CASR: variants seen among roughly 807,000 people sequenced by gnomAD.
CASR encodes the protein calcium sensing receptor, also known as extracellular calcium-sensing receptor.
A neutral mutation model predicts 69.1 loss-of-function variants in CASR; 23 were observed. The ratio of observed to expected loss-of-function variants is 0.33; its 90% CI spans 0.24 to 0.47. The LOEUF (loss-of-function observed/expected upper bound fraction) is 0.47. CASR is among the 20% of genes least tolerant of loss of function. The pLI, the probability that CASR is intolerant of heterozygous loss-of-function variation, is 1.00. For synonymous variants in CASR, 541 were observed against 544.7 expected (o/e 0.99, Z 0.10); for missense variants, 924 against 1,356.1 (o/e 0.68, Z 5.00).
chr3:122,206,591 A>T (rs545072449), intron 1 of CASR, among the ~76,000 whole-genome samples: 1 of 152,144 alleles, frequency 6.6e-6, no homozygotes, highest in Admixed American at 6.5e-5. Context: ...CTGACCTCGA[A>T]CAATGAGTTT....
At chr3:122,188,938 A>G (rs1409078857) in intron 1 of CASR, among the ~76,000 whole-genome samples, 1 of 152,212 alleles carries the variant, frequency 6.6e-6, no homozygotes, top group African/African-American at 2.4e-5. Flanking sequence ...AACAATACAG[A>G]CATGTGTGAT....
chr3:122,209,965 A>G (rs2074045949), intron 1 of CASR, among the ~76,000 whole-genome samples: 1 of 152,192 alleles, frequency 6.6e-6, no homozygotes, highest in Non-Finnish European at 1.5e-5. Flanking sequence ...TTCATCATAT[A>G]AACAGAACTA....
At chr3:122,242,431 A>T (rs1329353176) in intron 1 of CASR, among the ~76,000 whole-genome samples, 1 of 152,164 alleles carries the variant, frequency 6.6e-6, no homozygotes, top group Non-Finnish European at 1.5e-5. Context: ...TCCCACGTAT[A>T]ATAGTCACAA....
intron 1 of CASR, among the ~76,000 whole-genome samples, chr3:122,214,838 A>G (rs879722564): frequency 2.6e-5 from 4 of 152,118 alleles, no homozygotes; most frequent in Admixed American, 2.6e-4. Context: ...CATTCATAGC[A>G]CAGTATTTTT....
At position 122,288,563 on chromosome 3, in the gene CASR, C is replaced by T. The variant is rs2074988337; in HGVS notation, c.*3372C>T. On this transcript the variant is annotated 3_prime_UTR_variant, in exon 7 of 7. Transcript: ENST00000639785. ...GGTCCTCTTCCCTTCACCTAGCTCACTCCTTCCCCTCTAATATTCTATTCC... is the reference window on the plus strand; with the variant it reads ...GGTCCTCTTCCCTTCACCTAGCTCATTCCTTCCCCTCTAATATTCTATTCC... The T allele has an allele frequency of 6.6e-6, 1 of 152,118 alleles. No individual in the cohort carries two copies. Among genetic ancestry groups the T allele is most frequent in the Non-Finnish European group, 1.5e-5 (1 of 68,040 alleles). The allele number at this position is 152,118 out of a possible 1,614,324, so 9.4% of individuals were successfully genotyped here. A position where few individuals can be genotyped will look rare whatever the true frequency, so the allele number is the denominator to read the frequency against.
chr3:122,191,912 G>A (rs1217554278), intron 1 of CASR, among the ~76,000 whole-genome samples: 1 of 152,212 alleles, frequency 6.6e-6, no homozygotes, highest in Admixed American at 6.5e-5. Flanking sequence ...AGATGTTGAA[G>A]ATAATGCTAG....
Position 122,282,086 on chromosome 3 carries a change from C to T in CASR, c.1609-27C>T, listed in dbSNP as rs4678175. ...GCCCCTGACCCTACAACTACAGCCA[C>T]TCACCTTTGTGCTGTCTGTCCTCCA... On this transcript the variant is annotated intron_variant, in intron 5 of 6. Transcript: ENST00000639785. 27 of 1,614,082 alleles carry T rather than the reference C, an allele frequency of 1.7e-5. No homozygotes were observed. The Admixed American group carries it at 4.3e-4, about 26-fold the overall frequency.
rs193922439 is a variant in CASR, at chr3:122,257,164, A to C, written c.269A>C (p.Asn90Thr). 1.9e-6 allele frequency: 3 copies of C among 1,613,748 alleles called. No homozygotes were observed. Among genetic ancestry groups the C allele is most frequent in the Non-Finnish European group, 2.5e-6 (3 of 1,179,790 alleles). ...EINSSPALLPNLTLGYRIFDT... is the reference protein window; with the variant it reads ...EINSSPALLPTLTLGYRIFDT... ...AACAGCAGCCCAGCCCTTCTTCCCA[A>C]CTTGACGCTGGGATACAGGATATTT... Residue 90 changes from asparagine to threonine, a missense_variant, in exon 3 of 7, where the codon AAC becomes ACC. Asn to Thr is a moderately conservative substitution (Grantham distance 65, BLOSUM62 0). This residue lies in a region of CASR where 141 missense variants were observed against 283.0 expected (regional missense o/e 0.50). Transcript: ENST00000639785.
chr3:122,207,145 A>G (rs2074015146), intron 1 of CASR, among the ~76,000 whole-genome samples: 1 of 151,900 alleles, frequency 6.6e-6, no homozygotes, highest in Non-Finnish European at 1.5e-5. Flanking sequence ...TGAGGTGCAT[A>G]TTAGCAAATA....
At chr3:122,189,632 G>T (rs1302978356) in intron 1 of CASR, among the ~76,000 whole-genome samples, 1 of 152,166 alleles carries the variant, frequency 6.6e-6, no homozygotes, top group Non-Finnish European at 1.5e-5. Flanking sequence ...CAACAAGTCT[G>T]TCACACACAT....
intron 1 of CASR, among the ~76,000 whole-genome samples, chr3:122,219,594 G>C (rs1401925948): frequency 1.3e-5 from 2 of 152,198 alleles, no homozygotes; most frequent in Non-Finnish European, 2.9e-5. Flanking sequence ...TATCAGTGCT[G>C]TTTGCCTGGG....
chr3:122,206,458 GT>G (rs2074007907), intron 1 of CASR, among the ~76,000 whole-genome samples: 1 of 151,828 alleles, frequency 6.6e-6, no homozygotes, highest in Non-Finnish European at 1.5e-5. Flanking sequence ...TTTTTAATGT[GT>G]TGTTGCATTC....
intron 1 of CASR, among the ~76,000 whole-genome samples, chr3:122,241,854 T>C (rs1358105261): frequency 1.3e-5 from 2 of 152,042 alleles, no homozygotes; most frequent in African/African-American, 2.4e-5. Flanking sequence ...ATCTATCCTG[T>C]GGACGCAAGG....
rs1343106554 is a variant in CASR at position 122,276,038 on chromosome 3, G to T, written c.1604G>T (p.Arg535Met). 6.3e-7 allele frequency: 1 copy of T among 1,598,030 alleles called. No homozygotes were observed. ...AAAATCCTGTGGAGTGGGTTCTCCA[G>T]GGAGGTAGGTGCTGTCCATCAGAAA... ...EEKILWSGFS[R>M]EVPFSNCSRD... Residue 535 changes from arginine to methionine, a missense_variant, in exon 5 of 7, where the codon AGG (arginine) becomes ATG (methionine). Transcript: ENST00000639785.
chr3:122,285,290 G>C lies in CASR; in HGVS notation c.*99G>C. ...AGACTCCTTTCCTCTGAGGAAGAAG[G>C]GATAATAGACACATCAAATGCCCCG... On this transcript the variant is annotated 3_prime_UTR_variant, in exon 7 of 7. Coordinates refer to ENST00000639785, the MANE Select transcript of CASR (RefSeq NM_000388.4). The C allele has an allele frequency of 9.0e-7, 1 of 1,109,784 alleles. No homozygotes were observed. Among genetic ancestry groups the C allele is most frequent in the Non-Finnish European group, 1.4e-6 (1 of 731,322 alleles). The allele number at this position is 1,109,784 out of a possible 1,614,324, so 68.7% of individuals were successfully genotyped here.
At chr3:122,273,255 T>A (rs1211562425) in intron 4 of CASR, among the ~76,000 whole-genome samples, 1 of 152,236 alleles carries the variant, frequency 6.6e-6, no homozygotes, top group East Asian at 1.9e-4. Flanking sequence ...AGGTGTAGGA[T>A]GATGTTGTAG....
chr3:122,264,243 A>T (rs983346692), intron 4 of CASR, among the ~76,000 whole-genome samples: 2 of 152,202 alleles, frequency 1.3e-5, no homozygotes, highest in Non-Finnish European at 2.9e-5. Flanking sequence ...AAAATCTCAG[A>T]AGTGTTCCAG....
chr3:122,243,676 T>C (rs979682997), intron 1 of CASR, among the ~76,000 whole-genome samples: 1 of 152,108 alleles, frequency 6.6e-6, no homozygotes, highest in Non-Finnish European at 1.5e-5. Context: ...CTGCTAGGTA[T>C]ATATACCCCA....
intron 1 of CASR, among the ~76,000 whole-genome samples, chr3:122,190,597 C>T (rs1482697581): frequency 1.3e-5 from 2 of 152,138 alleles, no homozygotes; most frequent in Admixed American, 6.5e-5. Flanking sequence ...AGCTAATACA[C>T]GTTGTTAAAG....
Sources: allele counts gnomAD v4.1 joint callset (sites outside exome capture counted in the v4.1 genomes callset), GRCh38; gene constraint gnomAD v4.1.1; regional missense constraint gnomAD v4.1.1; transcripts MANE v1.5; gene names NCBI Gene and HGNC (gene_info 2026-07-23, HGNC 2026-07-21).